The following PCSK6 variants were observed in gnomAD, a reference collection of about 807,000 sequenced individuals.
PCSK6 encodes the protein proprotein convertase subtilisin/kexin type 6, also known as paired basic amino acid cleaving enzyme 4.
In PCSK6, 85 loss-of-function variants were observed where a neutral mutation model predicts 123.3. That is an observed-to-expected ratio of 0.69 (90% CI 0.58 to 0.83). PCSK6 has a LOEUF of 0.83. PCSK6 is among the 40% of genes least tolerant of loss of function. PCSK6 has a pLI of 0.00. For missense variants in PCSK6, 1,191 were observed against 1,282.3 expected (o/e 0.93, Z 1.09); for synonymous variants, 508 against 516.0 (o/e 0.98, Z 0.21).
chr15:101,458,772 G>A (rs571752992), intron 1 of PCSK6, among the ~76,000 whole-genome samples: 11 of 152,260 alleles, frequency 7.2e-5, no homozygotes, highest in East Asian at 3.9e-4. Context: ...TCTGCGACGC[G>A]TCTAATTACT....
intron 6 of PCSK6, among the ~76,000 whole-genome samples, chr15:101,407,800 T>C (rs1355837795): frequency 1.3e-5 from 2 of 152,238 alleles, no homozygotes; most frequent in South Asian, 4.1e-4. Flanking sequence ...TCTTGGGAAC[T>C]GGAACAAACC....
chr15:101,390,725 C>A (rs62018971), intron 8 of PCSK6, among the ~76,000 whole-genome samples: 4 of 152,310 alleles, frequency 2.6e-5, no homozygotes, highest in African/African-American at 9.6e-5. Flanking sequence ...ACAGATTCTC[C>A]CGGGAGCCTC....
At chr15:101,380,370 C>G (rs2041881740) in intron 11 of PCSK6, among the ~76,000 whole-genome samples, 2 of 152,218 alleles carry the variant, frequency 1.3e-5, no homozygotes, top group South Asian at 4.1e-4. Flanking sequence ...GAGGGCAGCC[C>G]CCAGGTCAGG....
chr15:101,352,660 G>A (rs1343332211), intron 13 of PCSK6, among the ~76,000 whole-genome samples: 1 of 152,160 alleles, frequency 6.6e-6, no homozygotes, highest in Admixed American at 6.5e-5. Flanking sequence ...ACCAGTGCCA[G>A]ATCATTTTAT....
intron 1 of PCSK6, among the ~76,000 whole-genome samples, chr15:101,483,190 G>A (rs567553446): frequency 9.2e-5 from 14 of 152,166 alleles, no homozygotes; most frequent in Non-Finnish European, 1.8e-4. Context: ...CTGCTCTTCC[G>A]GGTCTCCCCT....
At chr15:101,341,122 A>T (rs572147455) in intron 13 of PCSK6, among the ~76,000 whole-genome samples, 11 of 150,940 alleles carry the variant, frequency 7.3e-5, no homozygotes, top group Non-Finnish European at 1.5e-4. Context: ...TTTAGTAGAG[A>T]CAGGGTTTCA....
intron 1 of PCSK6, among the ~76,000 whole-genome samples, chr15:101,468,466 A>C (rs1424914640): frequency 6.6e-6 from 1 of 152,234 alleles, no homozygotes; most frequent in Non-Finnish European, 1.5e-5. Flanking sequence ...ATTCCTTAGC[A>C]GGATGCAAAC....
rs1311246816 is a variant in PCSK6, at chr15:101,393,214, T to G, written c.1207A>C (p.Ile403Leu). ...YSSGAFYERK[I>L]VTTDLRQRCT... ...TCCAACTTGCCAAGAGAACTTACGA[T>G]TTTTCGCTCATAAAAGGCCCCACTG... Residue 403 changes from isoleucine to leucine, a missense_variant and splice_region_variant, in exon 8 of 22, where the codon ATC (isoleucine) becomes CTC (leucine). Physicochemically the swap from Ile to Leu is conservative, Grantham distance 5. Transcript: ENST00000611716. 1.9e-6 allele frequency: 3 copies of G among 1,611,876 alleles called. No individual in the cohort carries two copies. Among genetic ancestry groups the G allele is most frequent in the Non-Finnish European group, 2.5e-6 (3 of 1,178,984 alleles).
At chr15:101,395,844 T>C (rs1355555215) in intron 7 of PCSK6, among the ~76,000 whole-genome samples, 2 of 152,154 alleles carry the variant, frequency 1.3e-5, no homozygotes, top group Non-Finnish European at 2.9e-5. Flanking sequence ...GCCACAGCAA[T>C]GTCTAATGGT....
intron 15 of PCSK6, 127 bp from the exon 16 acceptor site, chr15:101,326,606 G>C: frequency 4.6e-6 from 4 of 868,094 alleles, no homozygotes; most frequent in Non-Finnish European, 7.1e-6. Context: ...CCCCGCTGGG[G>C]CTGGACGGCC....
chr15:101,421,841 T>C (rs62027162), intron 6 of PCSK6, among the ~76,000 whole-genome samples: 24,254 of 152,218 alleles, frequency 0.16, 2,146 homozygotes, highest in Non-Finnish European at 0.2. Flanking sequence ...CACTCAGCAA[T>C]AGATAACTAA....
intron 20 of PCSK6, chr15:101,307,595 G>A (rs735163): frequency 0.13 from 52,233 of 397,578 alleles, 3,897 homozygotes; most frequent in African/African-American, 0.21. Flanking sequence ...CCAGGCCTCC[G>A]AGGCTTCCCG....
chr15:101,338,943 A>G (rs1481926881), intron 13 of PCSK6, among the ~76,000 whole-genome samples: 1 of 152,258 alleles, frequency 6.6e-6, no homozygotes, highest in African/African-American at 2.4e-5. Context: ...ACTATCTTCA[A>G]TGCAGTATTT....
At chr15:101,402,860 T>C (rs1480384607) in intron 6 of PCSK6, among the ~76,000 whole-genome samples, 1 of 152,148 alleles carries the variant, frequency 6.6e-6, no homozygotes, top group Non-Finnish European at 1.5e-5. Context: ...GAAGACAGTG[T>C]GGCGATTCCT....
chr15:101,307,133 T>C, intron 21 of PCSK6, 80 bp downstream of exon 21: 1 of 1,039,318 alleles, frequency 9.6e-7, no homozygotes, highest in Non-Finnish European at 1.5e-6. Flanking sequence ...CCTATGTGGC[T>C]TTGCTTTTCT....
Position 101,366,263 on chromosome 15 carries a change from CT to C in PCSK6, c.1790del (p.Lys597ArgfsTer26). 1 of 1,613,834 alleles carries C rather than the reference CT, an allele frequency of 6.2e-7. No individual in the cohort carries two copies. Among genetic ancestry groups the C allele is most frequent in the African/African-American group, 1.3e-5 (1 of 75,050 alleles). On this transcript the variant is annotated frameshift_variant, in exon 13 of 22. Coordinates refer to ENST00000611716, the MANE Select transcript of PCSK6 (RefSeq NM_002570.5). LOFTEE classifies it high-confidence loss of function. The stretch of plus-strand genomic sequence containing the variant: ...TTTCCAAGGTCCACTGCCCTTCAGC[CT>C]TTTCTCCCCAGCAGTGGACAGTCAT... ...EFMTVHCWGE[K>X]AEGQWTLEIQ...
At chr15:101,427,026 C>T (rs114386116) in intron 6 of PCSK6, among the ~76,000 whole-genome samples, 2,450 of 152,294 alleles carry the variant, frequency 0.016, 65 homozygotes, top group African/African-American at 0.055. Flanking sequence ...GCTCAGTTCC[C>T]GGGTCAGTGA....
intron 1 of PCSK6, among the ~76,000 whole-genome samples, chr15:101,462,529 G>C (rs1344596082): frequency 6.6e-6 from 1 of 152,170 alleles, no homozygotes; most frequent in African/African-American, 2.4e-5. Context: ...TTATTATGAA[G>C]ATACAGTACT....
At chr15:101,373,046 G>A (rs993416537) in intron 11 of PCSK6, among the ~76,000 whole-genome samples, 2 of 151,888 alleles carry the variant, frequency 1.3e-5, no homozygotes, top group African/African-American at 2.4e-5. Flanking sequence ...CACCTGCCCC[G>A]CCACTCTGAG....
Sources: gnomAD v4.1 joint callset for allele counts (sites outside exome capture counted in the v4.1 genomes callset) on GRCh38, gnomAD v4.1.1 for gene constraint, MANE v1.5 for transcripts, NCBI Gene and HGNC (gene_info 2026-07-23, HGNC 2026-07-21) for gene names.